The following ERBB4 variants were observed in gnomAD, a reference collection of about 807,000 sequenced individuals.
ERBB4 encodes erb-b2 receptor tyrosine kinase 4.
A neutral mutation model predicts 158.0 loss-of-function variants in ERBB4; 42 were observed. That is an observed-to-expected ratio of 0.27 (90% CI 0.21 to 0.34). The LOEUF (loss-of-function observed/expected upper bound fraction) is 0.34. Ranked by LOEUF, ERBB4 falls within the 10% of genes least tolerant of loss-of-function variation. The pLI, the probability that ERBB4 is intolerant of heterozygous loss-of-function variation, is 1.00. For missense variants in ERBB4, 1,333 were observed against 1,624.1 expected (o/e 0.82, Z 3.08); for synonymous variants, 583 against 558.7 (o/e 1.04, Z -0.61).
At chr2:211,457,421 C>T (rs2064410484) in intron 20 of ERBB4, among the ~76,000 whole-genome samples, 1 of 152,154 alleles carries the variant, frequency 6.6e-6, no homozygotes, top group Non-Finnish European at 1.5e-5. Context: ...ATTGTAGTGA[C>T]AGGCAGAAAG....
chr2:212,086,437 C>T (rs545732409), intron 2 of ERBB4, among the ~76,000 whole-genome samples: 34 of 151,536 alleles, frequency 2.2e-4, no homozygotes, highest in Non-Finnish European at 3.7e-4. Flanking sequence ...TTATGCATTA[C>T]CGCCTCTAAG....
intron 1 of ERBB4, among the ~76,000 whole-genome samples, chr2:212,288,926 G>C (rs1015031526): frequency 1.3e-5 from 2 of 152,070 alleles, no homozygotes; most frequent in African/African-American, 4.8e-5. Context: ...TATATTAAAA[G>C]AAAGGGAGGA....
At chr2:211,683,909 T>C (rs1013565911) in intron 12 of ERBB4, among the ~76,000 whole-genome samples, 1 of 152,188 alleles carries the variant, frequency 6.6e-6, no homozygotes, top group African/African-American at 2.4e-5. Context: ...AATATCTCAT[T>C]GTGTTTTAAA....
At chr2:211,446,404 A>C (rs1318922492) in intron 20 of ERBB4, among the ~76,000 whole-genome samples, 1 of 152,204 alleles carries the variant, frequency 6.6e-6, no homozygotes. Context: ...AGGAGGACAG[A>C]GATAAGGAAA....
At chr2:211,678,306 A>C (rs868146101) in intron 13 of ERBB4, among the ~76,000 whole-genome samples, 328 of 22,302 alleles carry the variant, frequency 0.015, 3 homozygotes, top group South Asian at 0.048. Context: ...CAAACAAAAA[A>C]AAACAAACAA....
chr2:211,604,958 A>G (rs1054106229), intron 19 of ERBB4, among the ~76,000 whole-genome samples: 1 of 152,192 alleles, frequency 6.6e-6, no homozygotes, highest in African/African-American at 2.4e-5. Context: ...AATAATAGGA[A>G]GTTCTTAAAT....
intron 20 of ERBB4, among the ~76,000 whole-genome samples, chr2:211,510,744 T>A (rs2065865746): frequency 6.6e-6 from 1 of 152,106 alleles, no homozygotes; most frequent in Non-Finnish European, 1.5e-5. Context: ...ATTGCTTCAA[T>A]GACTGTGCAT....
intron 1 of ERBB4, among the ~76,000 whole-genome samples, chr2:212,167,903 C>T (rs1173707150): frequency 6.6e-6 from 1 of 151,938 alleles, no homozygotes; most frequent in Non-Finnish European, 1.5e-5. Context: ...AACACACGGA[C>T]ACAGGAAGGG....
At chr2:211,574,237 T>G (rs78902296) in intron 19 of ERBB4, among the ~76,000 whole-genome samples, 3,075 of 152,266 alleles carry the variant, frequency 0.02, 55 homozygotes, top group Middle Eastern at 0.048. Context: ...GAAAACAGTT[T>G]TGCTGTCAGC....
At chr2:211,624,086 G>A in intron 17 of ERBB4, 42 bp from the exon 18 acceptor site, 1 of 1,612,968 alleles carries the variant, frequency 6.2e-7, no homozygotes, top group Non-Finnish European at 8.5e-7. Context: ...CAGTCCGATA[G>A]TCAGTCCTCT....
At chr2:211,895,956 C>G (rs1316266271) in intron 3 of ERBB4, among the ~76,000 whole-genome samples, 1 of 152,136 alleles carries the variant, frequency 6.6e-6, no homozygotes, top group Non-Finnish European at 1.5e-5. Flanking sequence ...TTCTTGGTCT[C>G]CTTGTTCCCA....
intron 3 of ERBB4, among the ~76,000 whole-genome samples, chr2:211,929,025 A>G (rs2080096585): frequency 6.6e-6 from 1 of 152,182 alleles, no homozygotes; most frequent in African/African-American, 2.4e-5. Flanking sequence ...AATTAAATAC[A>G]CACAGCCATA....
At chr2:211,754,177 C>G (rs13030400) in intron 4 of ERBB4, among the ~76,000 whole-genome samples, 66,360 of 151,816 alleles carry the variant, frequency 0.44, 15,181 homozygotes, top group Middle Eastern at 0.57. Context: ...CTGATTTCAT[C>G]TGAAAAAGAG....
At chr2:211,611,359 C>A (rs1304500162) in intron 19 of ERBB4, among the ~76,000 whole-genome samples, 1 of 145,130 alleles carries the variant, frequency 6.9e-6, no homozygotes, top group Non-Finnish European at 1.5e-5. Flanking sequence ...AAGCATAAGA[C>A]ACCCAAGCCA....
Position 211,917,728 on chromosome 2 carries a change from A to AAG in ERBB4, c.421+29700_421+29701dup, listed in dbSNP as rs2079737972. ...GGTTTGAAGACCAGGAGCCGTAATA[A>AAG]AGAGAGAGAAAGGAATCAAAGCTAC... On this transcript the variant is annotated intron_variant, in intron 3 of 27. Transcript: ENST00000342788. Among the ~76,000 whole-genome samples the AAG allele has an allele frequency of 2.6e-5, 4 of 152,218 alleles. No individual in the cohort carries two copies. The South Asian group carries it at 8.3e-4, about 32-fold the overall frequency.
chr2:212,399,477 C>A (rs2091128077), intron 1 of ERBB4, among the ~76,000 whole-genome samples: 1 of 148,810 alleles, frequency 6.7e-6, no homozygotes, highest in African/African-American at 2.5e-5. Flanking sequence ...TTTTGTCAAT[C>A]TATTCACCTT....
chr2:212,513,795 C>T (rs1035168648), intron 1 of ERBB4, among the ~76,000 whole-genome samples: 2 of 149,074 alleles, frequency 1.3e-5, no homozygotes, highest in African/African-American at 2.6e-5. Context: ...CTGGGCGACA[C>T]GGCGAGACTC....
At chr2:211,546,216 T>C (rs908514155) in intron 20 of ERBB4, among the ~76,000 whole-genome samples, 1 of 152,078 alleles carries the variant, frequency 6.6e-6, no homozygotes, top group Non-Finnish European at 1.5e-5. Flanking sequence ...TCACTGGGTA[T>C]TGTAGAATTG....
At chr2:212,356,233 C>T (rs2106351482) in intron 1 of ERBB4, among the ~76,000 whole-genome samples, 2 of 152,032 alleles carry the variant, frequency 1.3e-5, no homozygotes, top group Middle Eastern at 3.4e-3. Flanking sequence ...GGGCAGTCAA[C>T]CATGTTGCTG....
Sources: allele counts gnomAD v4.1 joint callset (sites outside exome capture counted in the v4.1 genomes callset), GRCh38; gene constraint gnomAD v4.1.1; transcripts MANE v1.5; gene names NCBI Gene and HGNC (gene_info 2026-07-23, HGNC 2026-07-21).